Variants in SOX6 observed in about 807,000 individuals in gnomAD.
SOX6 encodes transcription factor SOX-6.
SOX6 carries 11 observed loss-of-function variants against 97.8 expected under a neutral mutation model. The ratio of observed to expected loss-of-function variants is 0.11; its 90% CI spans 0.07 to 0.19. SOX6 has a LOEUF of 0.19. SOX6 is among the 10% of genes least tolerant of loss of function. SOX6 has a pLI of 1.00. For missense variants in SOX6, 810 were observed against 1,039.5 expected, an observed-to-expected ratio of 0.78 and a Z score of 3.04; for synonymous variants, 360 against 371.4, an observed-to-expected ratio of 0.97 and a Z score of 0.35.
chr11:16,442,872 A>G (rs1859531975), intron 1 of SOX6, among the ~76,000 whole-genome samples: 1 of 152,200 alleles, frequency 6.6e-6, no homozygotes, highest in South Asian at 2.1e-4. Flanking sequence ...CTAGAAAAAT[A>G]CGTATCTTAT....
Position 16,017,536 on chromosome 11 carries a change from A to G in SOX6, c.1624-2486T>C, listed in dbSNP as rs1854925226. Among the ~76,000 whole-genome samples the G allele has an allele frequency of 2.0e-5, 3 of 152,208 alleles. No homozygotes were observed. The South Asian group carries it at 6.2e-4, about 32-fold the overall frequency. Reference sequence around the variant, plus strand: ...AAGATTTCGTTCTTTTCTTCAAAGAATAGCTCAGAATATTTATTTGCCAGC... The same window carrying G: ...AAGATTTCGTTCTTTTCTTCAAAGAGTAGCTCAGAATATTTATTTGCCAGC... On this transcript the variant is annotated intron_variant, in intron 12 of 15. Coordinates refer to ENST00000683767, the MANE Select transcript of SOX6 (RefSeq NM_001367873.1).
At chr11:15,985,894 C>T (rs763666719) in intron 15 of SOX6, among the ~76,000 whole-genome samples, 16 of 152,134 alleles carry the variant, frequency 1.1e-4, no homozygotes, top group Non-Finnish European at 1.8e-4. Flanking sequence ...TTTTTCCTCC[C>T]TGTGTATCTG....
chr11:16,183,419 G>C (rs572727351), intron 6 of SOX6, among the ~76,000 whole-genome samples: 2 of 151,930 alleles, frequency 1.3e-5, no homozygotes, highest in South Asian at 4.1e-4. Context: ...TTAGCATCTA[G>C]AAGGAATACA....
chr11:16,177,655 C>CTCTCTCTCTCTCTT, intron 6 of SOX6, among the ~76,000 whole-genome samples: 1 of 151,438 alleles, frequency 6.6e-6, no homozygotes, highest in African/African-American at 2.4e-5. Flanking sequence ...CTCTCATTCT[C>CTCTCTCTCTCTCTT]TCTCTCTCTC....
At chr11:16,040,482 C>T (rs566437825) in intron 12 of SOX6, among the ~76,000 whole-genome samples, 1 of 152,046 alleles carries the variant, frequency 6.6e-6, no homozygotes, top group Non-Finnish European at 1.5e-5. Flanking sequence ...ATTAATAAAA[C>T]TTACCTTGCT....
intron 3 of SOX6, among the ~76,000 whole-genome samples, chr11:16,621,587 T>C (rs1317392140): frequency 6.6e-6 from 1 of 152,222 alleles, no homozygotes. Context: ...TTTGTATTCA[T>C]TGGCTATGTA....
chr11:16,143,605 C>A (rs958711689), intron 6 of SOX6, among the ~76,000 whole-genome samples: 2 of 152,050 alleles, frequency 1.3e-5, no homozygotes, highest in African/African-American at 4.8e-5. Context: ...TTCAGGAGAC[C>A]CATTTCACGT....
chr11:16,078,557 G>C (rs1439094151), intron 9 of SOX6, among the ~76,000 whole-genome samples: 1 of 152,134 alleles, frequency 6.6e-6, no homozygotes, highest in African/African-American at 2.4e-5. Flanking sequence ...ATTATTTATT[G>C]AGTTGCTACT....
intron 3 of SOX6, among the ~76,000 whole-genome samples, chr11:16,697,350 T>C (rs1356379036): frequency 2.0e-5 from 3 of 152,170 alleles, no homozygotes; most frequent in African/African-American, 7.2e-5. Flanking sequence ...GATTTTTTAT[T>C]GGGCCAGGTG....
chr11:16,493,476 C>T (rs1436165259), intron 4 of SOX6, among the ~76,000 whole-genome samples: 1 of 151,974 alleles, frequency 6.6e-6, no homozygotes, highest in African/African-American at 2.4e-5. Flanking sequence ...GATGTTTTTT[C>T]CCTTTGGAGG....
chr11:16,564,096 A>G (rs1379937522), intron 4 of SOX6, among the ~76,000 whole-genome samples: 2 of 152,196 alleles, frequency 1.3e-5, no homozygotes, highest in African/African-American at 4.8e-5. Context: ...CCACTCTAAA[A>G]AAAATGACTA....
intron 4 of SOX6, among the ~76,000 whole-genome samples, chr11:16,510,196 A>C (rs985317200): frequency 1.3e-5 from 2 of 151,996 alleles, no homozygotes; most frequent in African/African-American, 4.8e-5. Flanking sequence ...TCATGATTCC[A>C]CCCCATTTGT....
chr11:16,095,633 T>C (rs10500823), intron 9 of SOX6, among the ~76,000 whole-genome samples: 8,381 of 151,866 alleles, frequency 0.055, 607 homozygotes, highest in East Asian at 0.37. Context: ...GGTTATTCTA[T>C]GGTCAAATAA....
intron 3 of SOX6, chr11:16,313,499 AATAC>A (rs1466381389): frequency 6.6e-6 from 1 of 152,142 alleles, no homozygotes; most frequent in Non-Finnish European, 1.5e-5. Flanking sequence ...CCAATGAGAT[AATAC>A]ATCCCAAATG....
At chr11:16,582,344 T>A (rs934304146) in intron 4 of SOX6, among the ~76,000 whole-genome samples, 3 of 152,210 alleles carry the variant, frequency 2.0e-5, no homozygotes, top group Non-Finnish European at 4.4e-5. Flanking sequence ...GGATGAGTGA[T>A]ACATTAGAAA....
At chr11:16,559,176 G>T (rs1687629377) in intron 4 of SOX6, among the ~76,000 whole-genome samples, 1 of 151,882 alleles carries the variant, frequency 6.6e-6, no homozygotes, top group Admixed American at 6.6e-5. Flanking sequence ...ATGTATATTT[G>T]CTAGGAAAAA....
intron 3 of SOX6, among the ~76,000 whole-genome samples, chr11:16,709,877 A>G (rs1848164511): frequency 6.6e-6 from 1 of 152,238 alleles, no homozygotes; most frequent in Non-Finnish European, 1.5e-5. Context: ...CTTCCAAAGA[A>G]TGAATATCTC....
intron 6 of SOX6, among the ~76,000 whole-genome samples, chr11:16,140,502 C>T (rs1422298913): frequency 2.0e-5 from 3 of 152,140 alleles, no homozygotes; most frequent in Non-Finnish European, 4.4e-5. Context: ...ACCTTAGCTT[C>T]CTCACTTGTC....
intron 3 of SOX6, among the ~76,000 whole-genome samples, chr11:16,667,724 A>G (rs1360428855): frequency 6.6e-6 from 1 of 152,198 alleles, no homozygotes; most frequent in Non-Finnish European, 1.5e-5. Flanking sequence ...TAAATGAACA[A>G]GAAAAAATCA....
Sources: gnomAD v4.1 joint callset for allele counts (sites outside exome capture counted in the v4.1 genomes callset) on GRCh38, gnomAD v4.1.1 for gene constraint, MANE v1.5 for transcripts, NCBI Gene and HGNC (gene_info 2026-07-23, HGNC 2026-07-21) for gene names.